Variants in PTK2 observed in about 807,000 individuals in gnomAD.
PTK2 encodes protein tyrosine kinase 2.
A neutral mutation model predicts 150.1 loss-of-function variants in PTK2; 45 were observed. That is an observed-to-expected ratio of 0.30 (90% confidence interval 0.24 to 0.38). The LOEUF (loss-of-function observed/expected upper bound fraction) is 0.38. Ranked by LOEUF, PTK2 falls within the 10% of genes least tolerant of loss-of-function variation. PTK2 has a pLI of 1.00. For missense variants in PTK2, 919 were observed against 1,307.3 expected, an observed-to-expected ratio of 0.70 and a Z score of 4.58; for synonymous variants, 432 against 449.2, an observed-to-expected ratio of 0.96 and a Z score of 0.48.
intron 10 of PTK2, among the ~76,000 whole-genome samples, chr8:140,806,445 A>C (rs989207323): frequency 2.0e-5 from 3 of 152,166 alleles, no homozygotes; most frequent in Non-Finnish European, 4.4e-5. Context: ...AGAGCTGAAC[A>C]TCATTATGTT....
At chr8:140,870,457 G>C (rs758534313) in intron 4 of PTK2, among the ~76,000 whole-genome samples, 13 of 152,124 alleles carry the variant, frequency 8.5e-5, no homozygotes, top group Non-Finnish European at 1.9e-4. Flanking sequence ...GAAATAAGTG[G>C]TAAACAGAAA....
exon 21 of PTK2, chr8:140,739,074 G>A: frequency 6.4e-7 from 1 of 1,566,296 alleles, no homozygotes; most frequent in Non-Finnish European, 8.7e-7. Flanking sequence ...TGACTCTGGA[G>A]CCATCCATTT....
chr8:140,972,568 A>C (rs528844303), intron 1 of PTK2, among the ~76,000 whole-genome samples: 47 of 152,284 alleles, frequency 3.1e-4, no homozygotes, highest in African/African-American at 9.9e-4. Context: ...CCCAGCCTCA[A>C]TTACTGTTTT....
chr8:140,674,558 G>A (rs1161888380), intron 28 of PTK2, among the ~76,000 whole-genome samples, 154 bp from the exon 32 acceptor site: 2 of 152,054 alleles, frequency 1.3e-5, no homozygotes, highest in African/African-American at 4.8e-5. Context: ...TGACCAACAT[G>A]GAGAAACCCC....
At chr8:140,935,298 C>T (rs919687520) in intron 1 of PTK2, among the ~76,000 whole-genome samples, 1 of 152,114 alleles carries the variant, frequency 6.6e-6, no homozygotes, top group Non-Finnish European at 1.5e-5. Flanking sequence ...TTCATATCAA[C>T]AACTCAAGAA....
At chr8:140,743,759 T>C (rs540862048) in intron 19 of PTK2, among the ~76,000 whole-genome samples, 38 of 151,966 alleles carry the variant, frequency 2.5e-4, no homozygotes, top group African/African-American at 9.2e-4. Flanking sequence ...CTTATTTTTT[T>C]AGATGCTTAG....
chr8:140,712,851 TAACA>T (rs913370658), intron 23 of PTK2, among the ~76,000 whole-genome samples: 10 of 152,352 alleles, frequency 6.6e-5, no homozygotes, highest in African/African-American at 2.4e-4. Context: ...TTTATACCGG[TAACA>T]AACAGTTGTT....
At chr8:140,848,917 A>G (rs750933587) in intron 5 of PTK2, among the ~76,000 whole-genome samples, 7 of 152,188 alleles carry the variant, frequency 4.6e-5, no homozygotes, top group Non-Finnish European at 8.8e-5. Flanking sequence ...CCATTACCAA[A>G]TTCAATTAAT....
intron 1 of PTK2, among the ~76,000 whole-genome samples, chr8:140,957,393 G>C (rs2100181564): frequency 6.6e-6 from 1 of 152,142 alleles, no homozygotes. Context: ...ATGTGCCTCT[G>C]TTGTAAGCTA....
intron 26 of PTK2, among the ~76,000 whole-genome samples, chr8:140,689,369 T>C (rs545663291): frequency 1.3e-5 from 2 of 152,276 alleles, no homozygotes; most frequent in East Asian, 3.9e-4. Context: ...CATTACTCAA[T>C]GTAAATATCA....
At chr8:140,677,051 A>C (rs1471080425) in intron 27 of PTK2, among the ~76,000 whole-genome samples, 2 of 152,108 alleles carry the variant, frequency 1.3e-5, no homozygotes, top group African/African-American at 2.4e-5. Context: ...CCATGTAAAA[A>C]AACTGCACTT....
At chr8:140,878,074 A>G (rs2100146758) in intron 4 of PTK2, among the ~76,000 whole-genome samples, 1 of 151,898 alleles carries the variant, frequency 6.6e-6, no homozygotes, top group African/African-American at 2.4e-5. Context: ...CAACACAAAA[A>G]CCCTGCAGGT....
At chr8:140,679,430 G>A (rs1000048474) in intron 27 of PTK2, among the ~76,000 whole-genome samples, 1 of 152,072 alleles carries the variant, frequency 6.6e-6, no homozygotes, top group Non-Finnish European at 1.5e-5. Flanking sequence ...GAACATCCTG[G>A]AGTAATCTAG....
chr8:140,942,001 C>T (rs566225859), intron 1 of PTK2, among the ~76,000 whole-genome samples: 1 of 152,154 alleles, frequency 6.6e-6, no homozygotes, highest in South Asian at 2.1e-4. Flanking sequence ...GCAATTCTCC[C>T]GCCTCAGCCT....
intron 5 of PTK2, among the ~76,000 whole-genome samples, chr8:140,855,851 G>T (rs553006660): frequency 1.3e-5 from 2 of 152,154 alleles, no homozygotes; most frequent in African/African-American, 4.8e-5. Flanking sequence ...AAGGATGGTG[G>T]GGATGGTTGT....
chr8:140,828,607 A>G (rs1475116856), intron 8 of PTK2, among the ~76,000 whole-genome samples: 1 of 152,210 alleles, frequency 6.6e-6, no homozygotes, highest in East Asian at 1.9e-4. Flanking sequence ...CATAACCATC[A>G]ACAGAACATT....
intron 1 of PTK2, among the ~76,000 whole-genome samples, chr8:140,993,064 G>A (rs551078856): frequency 2.0e-5 from 3 of 152,342 alleles, no homozygotes; most frequent in East Asian, 3.9e-4. Flanking sequence ...AACTTAGGAT[G>A]AGTCCCAATC....
At chr8:140,905,298 C>T (rs1213334510) in intron 2 of PTK2, among the ~76,000 whole-genome samples, 1 of 151,868 alleles carries the variant, frequency 6.6e-6, no homozygotes, top group Non-Finnish European at 1.5e-5. Context: ...TGCAAAGACA[C>T]ACACAGGCTC....
At chr8:140,894,508 T>A (rs1056172861) in intron 2 of PTK2, among the ~76,000 whole-genome samples, 1 of 152,152 alleles carries the variant, frequency 6.6e-6, no homozygotes, top group African/African-American at 2.4e-5. Context: ...TAGAGTAAAC[T>A]ATGGTACATT....
Sources: allele counts gnomAD v4.1 joint callset (sites outside exome capture counted in the v4.1 genomes callset), GRCh38; gene constraint gnomAD v4.1.1; transcripts MANE v1.5; gene names NCBI Gene and HGNC (gene_info 2026-07-23, HGNC 2026-07-21).